XKR6: variants seen among roughly 807,000 people sequenced by gnomAD.
The protein encoded by XKR6 is XK related 6, also known as XK-related protein 6.
A neutral mutation model predicts 56.7 loss-of-function variants in XKR6; 22 were observed. The observed-to-expected ratio is 0.39, with a 90% CI of 0.28 to 0.55. XKR6 has a LOEUF of 0.55. XKR6 is among the 20% of genes least tolerant of loss of function. The pLI is 0.66. For missense variants in XKR6, 852 were observed against 889.0 expected (o/e 0.96, Z 0.53); for synonymous variants, 524 against 387.8 (o/e 1.35, Z -4.13).
intron 1 of XKR6, among the ~76,000 whole-genome samples, chr8:10,953,273 C>A (rs928253418): frequency 1.3e-5 from 2 of 152,208 alleles, no homozygotes; most frequent in African/African-American, 2.4e-5. Flanking sequence ...TTAGCACCAT[C>A]TTCCTTGGTG....
intron 1 of XKR6, among the ~76,000 whole-genome samples, chr8:11,118,450 A>C (rs1466442194): frequency 6.6e-6 from 1 of 152,060 alleles, no homozygotes; most frequent in African/African-American, 2.4e-5. Context: ...GACTTTTTTT[A>C]GTTGGTAAGC....
At chr8:11,032,495 A>G (rs1466436928) in intron 1 of XKR6, among the ~76,000 whole-genome samples, 1 of 152,182 alleles carries the variant, frequency 6.6e-6, no homozygotes, top group African/African-American at 2.4e-5. Flanking sequence ...GAGGTTGGGG[A>G]TAAGAAAAAA....
chr8:11,062,590 G>C (rs534809449), intron 1 of XKR6: 1 of 369,296 alleles, frequency 2.7e-6, no homozygotes, highest in Non-Finnish European at 5.3e-6. Context: ...GCACTAGCAA[G>C]GGAGAGCTTC....
rs370412045 is a variant in XKR6 at position 11,025,372 on chromosome 8, C to G, written c.765-100542G>C. ...GCTTCCTTTCTAAGAGGAGCCGATG[C>G]CTTTGGTTAATGGAGTCTATTCAAA... On this transcript the variant is annotated intron_variant, in intron 1 of 2. Coordinates refer to ENST00000416569, the MANE Select transcript of XKR6 (RefSeq NM_173683.4). Among the ~76,000 whole-genome samples, 162 of 152,276 alleles carry G rather than the reference C, an allele frequency of 1.1e-3. 1 individual carries two copies. The highest frequency in any genetic ancestry group is 3.7e-3 in the African/African-American group (155 of 41,552).
At chr8:11,049,426 C>T (rs1189642597) in intron 1 of XKR6, among the ~76,000 whole-genome samples, 1 of 152,246 alleles carries the variant, frequency 6.6e-6, no homozygotes, top group Non-Finnish European at 1.5e-5. Flanking sequence ...CAGCCCCTGA[C>T]CCGGGGCTGG....
intron 1 of XKR6, among the ~76,000 whole-genome samples, chr8:11,162,058 T>C (rs181666106): frequency 6.6e-6 from 1 of 152,248 alleles, no homozygotes; most frequent in African/African-American, 2.4e-5. Flanking sequence ...ATATTTTATA[T>C]GTAAAAAAAC....
chr8:10,921,179 G>A (rs1800698445), intron 2 of XKR6, among the ~76,000 whole-genome samples: 1 of 152,240 alleles, frequency 6.6e-6, no homozygotes, highest in African/African-American at 2.4e-5. Context: ...AATCCCCACT[G>A]GCTTTTCTCT....
intron 1 of XKR6, among the ~76,000 whole-genome samples, chr8:11,076,559 A>C (rs1800279794): frequency 1.3e-5 from 2 of 152,144 alleles, no homozygotes; most frequent in Admixed American, 1.3e-4. Flanking sequence ...GTGCGACCTC[A>C]GCCTCCTTCA....
chr8:10,939,385 G>A (rs1431679475), intron 1 of XKR6, among the ~76,000 whole-genome samples: 3 of 152,194 alleles, frequency 2.0e-5, no homozygotes, highest in Non-Finnish European at 2.9e-5. Context: ...CCAAGGCTAC[G>A]CTGACCTGCT....
chr8:10,976,163 A>C (rs1036099858), intron 1 of XKR6, among the ~76,000 whole-genome samples: 3 of 151,374 alleles, frequency 2.0e-5, no homozygotes, highest in South Asian at 2.1e-4. Context: ...GTGACAGAGC[A>C]AGACTCCATC....
At chr8:11,025,336 CT>C (rs1798836319) in intron 1 of XKR6, among the ~76,000 whole-genome samples, 1 of 152,210 alleles carries the variant, frequency 6.6e-6, no homozygotes, top group African/African-American at 2.4e-5. Flanking sequence ...AGAGCCTTTT[CT>C]TTATAATATG....
chr8:11,149,409 A>G (rs758934666), intron 1 of XKR6, among the ~76,000 whole-genome samples: 1 of 152,224 alleles, frequency 6.6e-6, no homozygotes, highest in African/African-American at 2.4e-5. Flanking sequence ...CCACCGTCGT[A>G]TATGTGGTCT....
rs756402280 is a variant in XKR6, at chr8:11,201,354, CAGCTCCGG to C, written c.-23_-16del. On this transcript the variant is annotated 5_prime_UTR_variant, in exon 1 of 3. Transcript: ENST00000416569. ...TTCGCCGCCATCTTGACTCTCTTCCCAGCTCCGGAGGTTGGGGGGGAGGGACGGCGGGG... is the reference window on the plus strand; with the variant it reads ...TTCGCCGCCATCTTGACTCTCTTCCCAGGTTGGGGGGGAGGGACGGCGGGG... 2 of 1,509,916 alleles carry C rather than the reference CAGCTCCGG, an allele frequency of 1.3e-6. No individual in the cohort carries two copies. Among genetic ancestry groups the C allele is most frequent in the South Asian group, 2.5e-5 (2 of 80,482 alleles). 93.5% of individuals were successfully genotyped at this position (1,509,916 alleles called of 1,614,324 possible).
intron 1 of XKR6, chr8:11,175,371 A>T: frequency 5.7e-6 from 1 of 174,072 alleles, no homozygotes; most frequent in East Asian, 1.4e-4. Flanking sequence ...GAGCATTTCG[A>T]GGTAAATAAA....
intron 1 of XKR6, among the ~76,000 whole-genome samples, chr8:11,160,855 T>C (rs1027704213): frequency 2.9e-4 from 37 of 127,752 alleles, no homozygotes; most frequent in Admixed American, 5.9e-4. Flanking sequence ...GAGGTTGCAG[T>C]GAGCCGAGAT....
At chr8:11,132,363 CT>C (rs905374495) in intron 1 of XKR6, among the ~76,000 whole-genome samples, 10 of 150,984 alleles carry the variant, frequency 6.6e-5, no homozygotes, top group Non-Finnish European at 1.2e-4. Flanking sequence ...TTTTCTTTTT[CT>C]TTTTTTTTCC....
At chr8:11,086,741 C>A (rs963566269) in intron 1 of XKR6, among the ~76,000 whole-genome samples, 2 of 152,200 alleles carry the variant, frequency 1.3e-5, no homozygotes, top group African/African-American at 4.8e-5. Flanking sequence ...TTTTCTAGAT[C>A]CTGCTGCCTC....
At chr8:11,144,119 G>A (rs993567409) in intron 1 of XKR6, among the ~76,000 whole-genome samples, 1 of 151,962 alleles carries the variant, frequency 6.6e-6, no homozygotes, top group Non-Finnish European at 1.5e-5. Flanking sequence ...CATACTGGGG[G>A]TCAGGGCTTC....
At chr8:11,106,266 T>C (rs1047648651) in intron 1 of XKR6, 2 of 152,170 alleles carry the variant, frequency 1.3e-5, no homozygotes, top group African/African-American at 4.8e-5. Context: ...CAAAATCTTA[T>C]TGACGTGACC....
Sources: allele counts gnomAD v4.1 joint callset (sites outside exome capture counted in the v4.1 genomes callset), GRCh38; gene constraint gnomAD v4.1.1; transcripts MANE v1.5; gene names NCBI Gene and HGNC (gene_info 2026-07-23, HGNC 2026-07-21).